MAP2K1: variants seen among roughly 807,000 people sequenced by gnomAD.
MAP2K1 encodes the protein dual specificity mitogen-activated protein kinase kinase 1.
MAP2K1 carries 16 observed loss-of-function variants against 46.3 expected under a neutral mutation model. The ratio of observed to expected loss-of-function variants is 0.35; its 90% CI spans 0.23 to 0.52. The LOEUF is 0.52. Among genes scored for constraint, MAP2K1 ranks in the 20% least tolerant of loss-of-function variants. MAP2K1 has a pLI of 0.94. For synonymous variants in MAP2K1, 183 were observed against 185.6 expected, an observed-to-expected ratio of 0.99 and a Z score of 0.11; for missense variants, 263 against 497.1, an observed-to-expected ratio of 0.53 and a Z score of 4.48.
chr15:66,428,841 G>A (rs546166554), intron 1 of MAP2K1, among the ~76,000 whole-genome samples: 1 of 134,026 alleles, frequency 7.5e-6, no homozygotes, highest in African/African-American at 2.9e-5. Flanking sequence ...GTGCAGTGAC[G>A]CGATCTTGGC....
At chr15:66,413,364 C>G (rs912145332) in intron 1 of MAP2K1, among the ~76,000 whole-genome samples, 4 of 152,174 alleles carry the variant, frequency 2.6e-5, no homozygotes, top group African/African-American at 7.2e-5. Context: ...GGGATTGGAA[C>G]AAGCATTAAA....
At chr15:66,441,171 G>T (rs1327296125) in intron 3 of MAP2K1, among the ~76,000 whole-genome samples, 1 of 152,040 alleles carries the variant, frequency 6.6e-6, no homozygotes, top group Non-Finnish European at 1.5e-5. Flanking sequence ...CTACTACGTG[G>T]CCCAGGCTGG....
chr15:66,387,504 C>A, intron 1 of MAP2K1, 77 bp downstream of exon 1: 1 of 1,424,062 alleles, frequency 7.0e-7, no homozygotes. Flanking sequence ...GCGCGCCAGG[C>A]TCCGATCTGG....
At chr15:66,477,533 A>C (rs1015028063) in intron 5 of MAP2K1, among the ~76,000 whole-genome samples, 1 of 152,244 alleles carries the variant, frequency 6.6e-6, no homozygotes, top group East Asian at 1.9e-4. Flanking sequence ...GAGAGCCGCC[A>C]TTGTGACTGT....
At chr15:66,398,579 G>A (rs968567494) in intron 1 of MAP2K1, among the ~76,000 whole-genome samples, 2 of 151,820 alleles carry the variant, frequency 1.3e-5, no homozygotes, top group African/African-American at 2.4e-5. Flanking sequence ...TTGAGCTTGG[G>A]AGGTCCAAGC....
At chr15:66,404,929 A>G (rs1161950826) in intron 1 of MAP2K1, among the ~76,000 whole-genome samples, 1 of 152,146 alleles carries the variant, frequency 6.6e-6, no homozygotes, top group Admixed American at 6.5e-5. Context: ...ACTGCTGTTA[A>G]TCTGTGGGGC....
rs140387057 is a variant in MAP2K1 at position 66,435,225 on chromosome 15, C to T, written c.279C>T (p.Val93=). 5.6e-6 allele frequency: 9 copies of T among 1,613,806 alleles called. No homozygotes were observed. The African/African-American group carries it at 8.0e-5, about 14-fold the overall frequency. ...FKVSHKPSGL[V]MARKLIHLEI... ...TCTCCCACAAGCCTTCTGGCCTGGT[C>T]ATGGCCAGAAAGGTGAGTTTGCCTT... The change falls in exon 2 of 11, where the codon GTC becomes GTT. Residue 93 remains valine, a synonymous_variant. Transcript: ENST00000307102.
intron 7 of MAP2K1, among the ~76,000 whole-genome samples, chr15:66,486,140 ATCC>A (rs1246121377): frequency 1.3e-5 from 2 of 152,210 alleles, no homozygotes; most frequent in South Asian, 2.1e-4. Context: ...GGCTCAAGTG[ATCC>A]TCCTGCCTTG....
chr15:66,396,141 G>T (rs2140520746), intron 1 of MAP2K1, among the ~76,000 whole-genome samples: 1 of 151,670 alleles, frequency 6.6e-6, no homozygotes. Flanking sequence ...CAAGTAGCTG[G>T]GCTACAGGTA....
chr15:66,433,266 T>C (rs1170675077), intron 1 of MAP2K1, among the ~76,000 whole-genome samples: 1 of 152,152 alleles, frequency 6.6e-6, no homozygotes, highest in African/African-American at 2.4e-5. Context: ...GATGAAAATA[T>C]TGAGTAGCTG....
At chr15:66,419,833 A>C (rs1306097593) in intron 1 of MAP2K1, among the ~76,000 whole-genome samples, 1 of 152,116 alleles carries the variant, frequency 6.6e-6, no homozygotes, top group Non-Finnish European at 1.5e-5. Context: ...TTTTTAAAGG[A>C]TAGGAATATG....
At chr15:66,401,420 C>T (rs2093381326) in intron 1 of MAP2K1, among the ~76,000 whole-genome samples, 1 of 151,986 alleles carries the variant, frequency 6.6e-6, no homozygotes. Context: ...AGTTTAAGGG[C>T]TCCTTTAAAG....
At chr15:66,472,852 A>G (rs559746036) in intron 5 of MAP2K1, among the ~76,000 whole-genome samples, 1 of 152,372 alleles carries the variant, frequency 6.6e-6, no homozygotes, top group African/African-American at 2.4e-5. Context: ...CCTGGGTCAC[A>G]TAAATATGGT....
rs186435336 is a variant in MAP2K1, at chr15:66,446,492, C to T, written c.568+1785C>T. ...TACAGCATCACTTGGATTCTGTTTC[C>T]AATAGCCATAGTAGGAAGAGTGCTT... On this transcript the variant is annotated intron_variant, in intron 5 of 10. Transcript: ENST00000307102. The T allele has an allele frequency of 2.0e-3, 355 of 174,950 alleles. 1 individual carries two copies. The highest frequency in any genetic ancestry group is 7.6e-3 in the African/African-American group (319 of 41,856). The allele number at this position is 174,950 out of a possible 1,614,324, so 10.8% of individuals were successfully genotyped here. A position where few individuals can be genotyped will look rare whatever the true frequency, so the allele number is the denominator to read the frequency against.
intron 1 of MAP2K1, among the ~76,000 whole-genome samples, chr15:66,409,840 A>C (rs1267470444): frequency 1.3e-5 from 2 of 152,154 alleles, no homozygotes; most frequent in Non-Finnish European, 2.9e-5. Context: ...CCAGGATAGA[A>C]TTACATTGTG....
chr15:66,472,375 C>T (rs919395444), intron 5 of MAP2K1, among the ~76,000 whole-genome samples: 2 of 151,890 alleles, frequency 1.3e-5, no homozygotes, highest in Non-Finnish European at 2.9e-5. Flanking sequence ...TTTCTTCTCT[C>T]GGGCCAGCTG....
At chr15:66,435,278 A>C (rs2093484931) in intron 2 of MAP2K1, 41 bp downstream of exon 2, 39 of 1,536,978 alleles carry the variant, frequency 2.5e-5, no homozygotes, top group Non-Finnish European at 2.9e-5. Flanking sequence ...ATTATTTCTC[A>C]GGGTACTTAG....
At chr15:66,432,542 T>C (rs975133803) in intron 1 of MAP2K1, among the ~76,000 whole-genome samples, 3 of 152,228 alleles carry the variant, frequency 2.0e-5, no homozygotes, top group Non-Finnish European at 4.4e-5. Flanking sequence ...ATCATCAGAT[T>C]GATGTGCAGG....
chr15:66,415,172 T>C (rs944247925), intron 1 of MAP2K1: 8 of 523,700 alleles, frequency 1.5e-5, no homozygotes, highest in African/African-American at 1.2e-4. Context: ...AGAAGTTTCT[T>C]GTTCTTCACT....
Sources: allele counts gnomAD v4.1 joint callset (sites outside exome capture counted in the v4.1 genomes callset), GRCh38; gene constraint gnomAD v4.1.1; transcripts MANE v1.5; gene names NCBI Gene and HGNC (gene_info 2026-07-23, HGNC 2026-07-21).